OR51B5: variants seen among roughly 807,000 people sequenced by gnomAD.
The protein encoded by OR51B5 is olfactory receptor family 51 subfamily B member 5.
For missense variants in OR51B5, 456 were observed against 374.6 expected (o/e 1.22, Z -1.79); for synonymous variants, 186 against 144.8 (o/e 1.28, Z -2.04).
intron 1 of OR51B5, among the ~76,000 whole-genome samples, chr11:5,377,484 A>T (rs1849545640): frequency 6.6e-6 from 1 of 152,096 alleles, no homozygotes; most frequent in Admixed American, 6.6e-5. Context: ...AAGACAGGAA[A>T]AAAGGGTATT....
In OR51B5 at chr11:5,429,706, A is replaced by T. The variant is rs138818836; in HGVS notation, n.84+75863T>A. On this transcript the variant is annotated intron_variant and non_coding_transcript_variant, in intron 1 of 4. Transcript: ENST00000415970. The stretch of plus-strand genomic sequence containing the variant: ...GCAGGATGGGGAACAGATAAGAATA[A>T]AAGCACCACATGCACGGTAAAGCCA... Among the ~76,000 whole-genome samples, 351 of 152,284 alleles carry T rather than the reference A, an allele frequency of 2.3e-3. 1 individual carries two copies. Among genetic ancestry groups the T allele is most frequent in the African/African-American group, 7.9e-3 (330 of 41,554 alleles).
At chr11:5,480,192 G>A (rs1447776496) in intron 1 of OR51B5, among the ~76,000 whole-genome samples, 3 of 150,694 alleles carry the variant, frequency 2.0e-5, no homozygotes, top group Non-Finnish European at 4.5e-5. Flanking sequence ...TAGAACTCAG[G>A]ATTAAGAATC....
At chr11:5,388,658 G>C (rs1849740819) in intron 1 of OR51B5, among the ~76,000 whole-genome samples, 1 of 151,070 alleles carries the variant, frequency 6.6e-6, no homozygotes, top group Admixed American at 6.6e-5. Flanking sequence ...AAATAAGGTA[G>C]GGTCTTGAAT....
Position 5,351,731 on chromosome 11 carries a change from C to A in OR51B5, n.85-4821G>T, listed in dbSNP as rs185127545. 3.1e-6 allele frequency: 5 copies of A among 1,613,946 alleles called. No homozygotes were observed. The Admixed American group carries it at 6.7e-5, about 22-fold the overall frequency. On this transcript the variant is annotated intron_variant and non_coding_transcript_variant, in intron 1 of 4. Coordinates refer to the OR51B5 transcript ENST00000415970. ...ACAGACCTCGGAGTGACATTGACCACAATGCCCACAGTGCTAGGTGTTCTG... is the reference window on the plus strand; with the variant it reads ...ACAGACCTCGGAGTGACATTGACCAAAATGCCCACAGTGCTAGGTGTTCTG...
intron 1 of OR51B5, among the ~76,000 whole-genome samples, chr11:5,400,150 C>T (rs1018527486): frequency 6.6e-6 from 1 of 152,122 alleles, no homozygotes; most frequent in African/African-American, 2.4e-5. Flanking sequence ...AATAATTTGC[C>T]CCTGAATTTC....
intron 1 of OR51B5, among the ~76,000 whole-genome samples, chr11:5,459,297 C>T (rs539176053): frequency 6.6e-6 from 1 of 152,256 alleles, no homozygotes; most frequent in Admixed American, 6.5e-5. Context: ...ATCCCAGGAA[C>T]ATAAAGCGAA....
chr11:5,480,080 A>G (rs1234099365), intron 1 of OR51B5, among the ~76,000 whole-genome samples: 1 of 152,098 alleles, frequency 6.6e-6, no homozygotes, highest in Admixed American at 6.5e-5. Context: ...CACCACACCT[A>G]TTCCAAAATT....
intron 1 of OR51B5, among the ~76,000 whole-genome samples, chr11:5,492,690 A>G (rs1851597689): frequency 6.6e-6 from 1 of 152,136 alleles, no homozygotes; most frequent in Admixed American, 6.5e-5. Context: ...AGGCGGGAGT[A>G]CAGTGGCACA....
chr11:5,361,573 T>C (rs1257966489), intron 1 of OR51B5, among the ~76,000 whole-genome samples: 1 of 152,134 alleles, frequency 6.6e-6, no homozygotes, highest in East Asian at 1.9e-4. Flanking sequence ...GGTTGGCTTA[T>C]CAGAGATTGC....
intron 1 of OR51B5, among the ~76,000 whole-genome samples, chr11:5,417,688 G>C (rs1024992206): frequency 1.8e-4 from 28 of 151,474 alleles, no homozygotes; most frequent in Admixed American, 5.9e-4. Flanking sequence ...CACCATCACT[G>C]GCCATCAGAG....
At chr11:5,351,681 C>G in intron 1 of OR51B5, 1 of 1,614,110 alleles carries the variant, frequency 6.2e-7, no homozygotes, top group Non-Finnish European at 8.5e-7. Context: ...AGCCCATGTA[C>G]TATTTCTTAG....
intron 1 of OR51B5, among the ~76,000 whole-genome samples, chr11:5,387,191 A>G (rs567418941): frequency 1.3e-5 from 2 of 152,322 alleles, no homozygotes; most frequent in Non-Finnish European, 2.9e-5. Context: ...TATCACAAAA[A>G]TCAGAAGAGA....
chr11:5,501,552 G>A (rs1183501942), intron 1 of OR51B5, among the ~76,000 whole-genome samples: 1 of 147,408 alleles, frequency 6.8e-6, no homozygotes, highest in African/African-American at 2.4e-5. Context: ...TAAGAAGCTT[G>A]ACCACACTGG....
At chr11:5,440,569 C>T (rs746888445) in intron 1 of OR51B5, 17 of 1,610,160 alleles carry the variant, frequency 1.1e-5, no homozygotes, top group Non-Finnish European at 1.4e-5. Flanking sequence ...TTCAGCCTTC[C>T]TCAGGCCTGG....
chr11:5,473,845 T>C (rs1249028721), intron 1 of OR51B5, among the ~76,000 whole-genome samples: 2 of 123,802 alleles, frequency 1.6e-5, no homozygotes, highest in African/African-American at 2.8e-5. Flanking sequence ...TGTTTTAAAT[T>C]ACAAAATGAG....
At chr11:5,461,925 T>C (rs1423340813) in intron 1 of OR51B5, among the ~76,000 whole-genome samples, 2 of 152,166 alleles carry the variant, frequency 1.3e-5, no homozygotes, top group African/African-American at 4.8e-5. Context: ...CAGTGTGTGT[T>C]GGTCTCTTGA....
At chr11:5,394,649 G>T (rs537126209) in intron 1 of OR51B5, among the ~76,000 whole-genome samples, 9 of 152,166 alleles carry the variant, frequency 5.9e-5, no homozygotes, top group Non-Finnish European at 1.2e-4. Flanking sequence ...CTGAGCCTTT[G>T]TACATGTTTT....
intron 1 of OR51B5, chr11:5,455,821 T>A (rs187070648): frequency 1.3e-5 from 2 of 152,222 alleles, no homozygotes; most frequent in East Asian, 1.9e-4. Flanking sequence ...CAGATTTTTT[T>A]CAAAAATGTC....
intron 1 of OR51B5, among the ~76,000 whole-genome samples, chr11:5,430,294 T>C (rs1850515581): frequency 6.6e-6 from 1 of 152,186 alleles, no homozygotes; most frequent in Admixed American, 6.5e-5. Context: ...TTTATTTAAA[T>C]TTAAATTTCA....
Sources: gnomAD v4.1 joint callset for allele counts (sites outside exome capture counted in the v4.1 genomes callset) on GRCh38, gnomAD v4.1.1 for gene constraint, MANE v1.5 for transcripts, NCBI Gene and HGNC (gene_info 2026-07-23, HGNC 2026-07-21) for gene names.